RYR3: variants seen among roughly 807,000 people sequenced by gnomAD.
The protein encoded by RYR3 is ryanodine receptor 3, also known as brain ryanodine receptor-calcium release channel.
A neutral mutation model predicts 584.3 loss-of-function variants in RYR3; 207 were observed. The observed-to-expected ratio is 0.35, with a 90% CI of 0.32 to 0.40. The LOEUF (loss-of-function observed/expected upper bound fraction) is 0.40. Among genes scored for constraint, RYR3 ranks in the 10% least tolerant of loss-of-function variants. RYR3 has a pLI of 1.00. For missense variants in RYR3, 5,616 were observed against 6,089.2 expected, an observed-to-expected ratio of 0.92 and a Z score of 2.59; for synonymous variants, 2,416 against 2,248.5, an observed-to-expected ratio of 1.07 and a Z score of -2.11.
chr15:33,723,200 G>A (rs1024045544), intron 44 of RYR3, among the ~76,000 whole-genome samples: 2 of 152,212 alleles, frequency 1.3e-5, no homozygotes, highest in African/African-American at 2.4e-5. Flanking sequence ...CTGGACCAAG[G>A]TTGTACTCCT....
chr15:33,746,590 G>A (rs555418153), intron 53 of RYR3, among the ~76,000 whole-genome samples: 2 of 152,054 alleles, frequency 1.3e-5, no homozygotes, highest in East Asian at 3.9e-4. Context: ...CTTGAGGTCA[G>A]GGCTTCAAGA....
chr15:33,561,321 G>A (rs1475684511), intron 10 of RYR3, among the ~76,000 whole-genome samples: 1 of 152,178 alleles, frequency 6.6e-6, no homozygotes, highest in Non-Finnish European at 1.5e-5. Flanking sequence ...CAGCAGGAGA[G>A]ACTAACTCTT....
At chr15:33,781,867 G>GC (rs1267793853) in intron 65 of RYR3, among the ~76,000 whole-genome samples, 5 of 151,594 alleles carry the variant, frequency 3.3e-5, no homozygotes, top group African/African-American at 4.9e-5. Context: ...AAAGGGGGGG[G>GC]GGATTTCCAA....
At chr15:33,392,957 C>T (rs72725474) in intron 1 of RYR3, among the ~76,000 whole-genome samples, 14,855 of 152,294 alleles carry the variant, frequency 0.098, 877 homozygotes, top group South Asian at 0.28. Context: ...GCACAAGAAG[C>T]TAGCACACTA....
intron 1 of RYR3, among the ~76,000 whole-genome samples, chr15:33,466,768 A>G (rs2048522980): frequency 1.3e-5 from 2 of 152,266 alleles, no homozygotes; most frequent in South Asian, 2.1e-4. Context: ...ATTTGTTAAT[A>G]TAAGTAGTCG....
intron 103 of RYR3, 81 bp downstream of exon 103, chr15:33,864,270 A>C (rs1889626269): frequency 9.2e-7 from 1 of 1,083,600 alleles, no homozygotes; most frequent in South Asian, 1.4e-5. Context: ...GGTTATCTGA[A>C]ATACATACAT....
chr15:33,604,626 A>G (rs1012255549), intron 18 of RYR3, among the ~76,000 whole-genome samples: 5 of 152,230 alleles, frequency 3.3e-5, no homozygotes, highest in African/African-American at 1.2e-4. Context: ...AGTGGATTCA[A>G]AATGGCAGGA....
At chr15:33,574,412 C>T (rs970981780) in intron 12 of RYR3, among the ~76,000 whole-genome samples, 14 of 152,186 alleles carry the variant, frequency 9.2e-5, no homozygotes, top group Non-Finnish European at 1.8e-4. Flanking sequence ...TACTGCCGAG[C>T]CTTCATCTCA....
rs146805581 is a variant in RYR3 at position 33,371,032 on chromosome 15, A to G, written c.51+59936A>G. 1.3e-3 allele frequency among the ~76,000 whole-genome samples: 203 copies of G among 152,332 alleles called. 1 individual carries two copies. Among genetic ancestry groups the G allele is most frequent in the African/African-American group, 4.8e-3 (198 of 41,576 alleles). ...GAAGATGCTCAGTAAACATTTGGTG[A>G]CTGAATGAATGGGCCCAAGACAAAT... On this transcript the variant is annotated intron_variant, in intron 1 of 103. Transcript: ENST00000634891.
intron 1 of RYR3, among the ~76,000 whole-genome samples, chr15:33,465,338 A>T (rs1395066571): frequency 6.6e-6 from 1 of 152,116 alleles, no homozygotes; most frequent in Non-Finnish European, 1.5e-5. Flanking sequence ...TATGGCATTT[A>T]TATATTTAAT....
intron 60 of RYR3, among the ~76,000 whole-genome samples, chr15:33,767,992 G>A (rs929919898): frequency 2.6e-5 from 4 of 152,158 alleles, no homozygotes; most frequent in African/African-American, 9.7e-5. Flanking sequence ...GTTCCACAGT[G>A]GAAAATATGG....
chr15:33,687,730 A>G (rs1403921231), intron 38 of RYR3, among the ~76,000 whole-genome samples: 2 of 152,324 alleles, frequency 1.3e-5, no homozygotes, highest in Middle Eastern at 3.4e-3. Context: ...GACCAATGGA[A>G]CAGAACAGAG....
chr15:33,541,072 A>C (rs1460177425), intron 7 of RYR3, among the ~76,000 whole-genome samples, 182 bp downstream of exon 7: 1 of 152,038 alleles, frequency 6.6e-6, no homozygotes, highest in Non-Finnish European at 1.5e-5. Context: ...TCTAACTTCC[A>C]GTTACATGAG....
intron 12 of RYR3, among the ~76,000 whole-genome samples, chr15:33,573,095 T>G (rs1249078276): frequency 7.1e-6 from 1 of 141,680 alleles, no homozygotes; most frequent in Non-Finnish European, 1.6e-5. Flanking sequence ...TTTTTTATTA[T>G]TTTGTGTGAG....
Position 33,865,337 on chromosome 15 carries a change from C to A in RYR3, c.*111C>A. The stretch of plus-strand genomic sequence containing the variant: ...AAATGTGACATTTTCTAAATGCCTC[C>A]CTTAAAAAAAAAACTGCTGAAAATC... On this transcript the variant is annotated 3_prime_UTR_variant, in exon 104 of 104. Transcript: ENST00000634891. 1.3e-6 allele frequency: 1 copy of A among 750,620 alleles called. No individual in the cohort carries two copies. Among genetic ancestry groups the A allele is most frequent in the Non-Finnish European group, 2.1e-6 (1 of 467,228 alleles). The allele number at this position is 750,620 out of a possible 1,614,324, so 46.5% of individuals were successfully genotyped here. A position where few individuals can be genotyped will look rare whatever the true frequency, so the allele number is the denominator to read the frequency against.
At chr15:33,709,276 G>A (rs1053594866) in intron 43 of RYR3, among the ~76,000 whole-genome samples, 3 of 152,132 alleles carry the variant, frequency 2.0e-5, no homozygotes, top group Non-Finnish European at 4.4e-5. Flanking sequence ...CACTGAAGGG[G>A]TTCAAGAGGG....
chr15:33,709,015 G>C (rs934289176), intron 43 of RYR3, among the ~76,000 whole-genome samples: 3 of 152,196 alleles, frequency 2.0e-5, no homozygotes, highest in Admixed American at 1.3e-4. Flanking sequence ...GAATGAGTCA[G>C]GGTGGAGCAG....
intron 1 of RYR3, among the ~76,000 whole-genome samples, chr15:33,408,682 T>C (rs2141456568): frequency 6.6e-6 from 1 of 152,330 alleles, no homozygotes; most frequent in Non-Finnish European, 1.5e-5. Context: ...TTTTTAATAA[T>C]AGCAATTCTG....
intron 1 of RYR3, among the ~76,000 whole-genome samples, chr15:33,361,020 C>A (rs1188761650): frequency 6.6e-6 from 1 of 152,166 alleles, no homozygotes; most frequent in Non-Finnish European, 1.5e-5. Context: ...GAGGGAAAAG[C>A]AGATGTTGCA....
Sources: allele counts gnomAD v4.1 joint callset (sites outside exome capture counted in the v4.1 genomes callset), GRCh38; gene constraint gnomAD v4.1.1; transcripts MANE v1.5; gene names NCBI Gene and HGNC (gene_info 2026-07-23, HGNC 2026-07-21).